Variants in GFM1 observed in about 807,000 individuals in gnomAD.
GFM1 encodes G elongation factor mitochondrial 1, also known as elongation factor G, mitochondrial.
A neutral mutation model predicts 96.2 loss-of-function variants in GFM1; 62 were observed. The observed-to-expected ratio is 0.64, with a 90% CI of 0.53 to 0.80. The LOEUF (loss-of-function observed/expected upper bound fraction) is 0.80, where lower values mean the gene tolerates loss of function less well. Ranked by LOEUF, GFM1 falls within the 30% of genes least tolerant of loss-of-function variation. The pLI is 0.00. For synonymous variants in GFM1, 282 were observed against 312.9 expected (o/e 0.90, Z 1.04); for missense variants, 852 against 916.6 (o/e 0.93, Z 0.91).
chr3:158,670,990 G>A, intron 13 of GFM1: 1 of 1,538,784 alleles, frequency 6.5e-7, no homozygotes, highest in East Asian at 2.4e-5. Flanking sequence ...CAAATTTAAG[G>A]TGATACTTAT....
chr3:158,670,166 G>A (rs1227930398), intron 13 of GFM1, among the ~76,000 whole-genome samples: 1 of 152,128 alleles, frequency 6.6e-6, no homozygotes, highest in African/African-American at 2.4e-5. Flanking sequence ...TTTCAAGATG[G>A]CTGTGGTACA....
At chr3:158,652,694 C>G (rs1222164870) in intron 6 of GFM1, among the ~76,000 whole-genome samples, 1 of 152,126 alleles carries the variant, frequency 6.6e-6, no homozygotes, top group Non-Finnish European at 1.5e-5. Flanking sequence ...CTGTCATGAC[C>G]TGTAATTTAT....
In GFM1 at chr3:158,690,331, G is replaced by T; in HGVS notation, c.2070+8G>T. ...TTTACACTGTATGCAGATGTAAGTA[G>T]TCTTGGTCATTGGCAGTCCTGCTTT... On this transcript the variant is annotated splice_region_variant and intron_variant, in intron 16 of 17. Coordinates refer to ENST00000486715, the MANE Select transcript of GFM1 (RefSeq NM_024996.7). 1 of 1,613,028 alleles carries T rather than the reference G, an allele frequency of 6.2e-7. No homozygotes were observed. The highest frequency in any genetic ancestry group is 1.3e-5 in the African/African-American group (1 of 75,028).
At chr3:158,651,603 ATAAT>A (rs1560129634) in intron 5 of GFM1, among the ~76,000 whole-genome samples, 1 of 152,256 alleles carries the variant, frequency 6.6e-6, no homozygotes, top group Non-Finnish European at 1.5e-5. Flanking sequence ...CAGTTTTAAA[ATAAT>A]TAGAGTACAG....
At chr3:158,672,370 C>T in intron 13 of GFM1, 1 of 1,613,964 alleles carries the variant, frequency 6.2e-7, no homozygotes, top group Non-Finnish European at 8.5e-7. Flanking sequence ...GCTTGTTTGA[C>T]CTTCTGCACC....
chr3:158,656,655 A>G (rs868334201), intron 8 of GFM1: 5 of 152,234 alleles, frequency 3.3e-5, no homozygotes, highest in African/African-American at 1.2e-4. Flanking sequence ...TACATAAGTT[A>G]TTTGGAATTC....
At chr3:158,654,248 T>G (rs1722555588) in intron 7 of GFM1, among the ~76,000 whole-genome samples, 1 of 133,728 alleles carries the variant, frequency 7.5e-6, no homozygotes, top group Non-Finnish European at 1.6e-5. Flanking sequence ...AAAGTCTTGC[T>G]CGGTTTCTAG....
chr3:158,659,902 T>A (rs1390586453), intron 9 of GFM1, among the ~76,000 whole-genome samples: 1 of 152,216 alleles, frequency 6.6e-6, no homozygotes, highest in Non-Finnish European at 1.5e-5. Flanking sequence ...TTGTCATAGC[T>A]GTTTCATGGA....
chr3:158,689,051 T>G (rs1726094709), intron 15 of GFM1, among the ~76,000 whole-genome samples: 1 of 152,226 alleles, frequency 6.6e-6, no homozygotes, highest in Non-Finnish European at 1.5e-5. Context: ...TGTGTTTTGC[T>G]GAAAGCCTTT....
intron 4 of GFM1, among the ~76,000 whole-genome samples, chr3:158,648,578 TGAG>T (rs1216008745): frequency 1.3e-5 from 2 of 149,748 alleles, no homozygotes; most frequent in African/African-American, 4.9e-5. Flanking sequence ...CTCGGGAGGC[TGAG>T]GCAGGAGAAT....
At chr3:158,661,294 A>C (rs1044112237) in intron 10 of GFM1, among the ~76,000 whole-genome samples, 7 of 152,196 alleles carry the variant, frequency 4.6e-5, no homozygotes, top group Admixed American at 4.6e-4. Flanking sequence ...CTCCACCCTG[A>C]GACCTGCTTC....
At chr3:158,669,003 T>A (rs1723996095) in intron 13 of GFM1, 1 of 1,610,848 alleles carries the variant, frequency 6.2e-7, no homozygotes, top group African/African-American at 1.3e-5. Flanking sequence ...TACCACTTGC[T>A]TGACAGTTTG....
intron 6 of GFM1, among the ~76,000 whole-genome samples, chr3:158,653,098 T>A (rs959477974): frequency 2.0e-5 from 3 of 152,190 alleles, no homozygotes; most frequent in Admixed American, 1.3e-4. Context: ...AAAGCAGTTG[T>A]ATAGTAAATC....
Position 158,691,394 on chromosome 3 carries a change from A to G in GFM1, c.2183A>G (p.Gln728Arg). 6.2e-7 allele frequency: 1 copy of G among 1,613,898 alleles called. No individual in the cohort carries two copies. Among genetic ancestry groups the G allele is most frequent in the Non-Finnish European group, 8.5e-7 (1 of 1,179,848 alleles). Residue 728 changes from glutamine to arginine, a missense_variant, in exon 18 of 18, where the codon CAA (glutamine) becomes CGA (arginine). Transcript: ENST00000486715. ...TATCAGCCATGTTTACCATCCACAC[A>G]AGAAGACGTCATTAATAAGTATTTG... is the stretch of plus-strand genomic sequence containing the variant. ...SRYQPCLPST[Q>R]EDVINKYLEA...
Position 158,691,628 on chromosome 3 carries a change from G to A in GFM1, c.*161G>A, listed in dbSNP as rs945973013. On this transcript the variant is annotated 3_prime_UTR_variant, in exon 18 of 18. Coordinates refer to ENST00000486715, the MANE Select transcript of GFM1 (RefSeq NM_024996.7). ...AGAAGCCCTTCTTGTTCATATTCAG[G>A]AGCTTCTGTTATATTCAAAGGTAAT... 4 of 678,874 alleles carry A rather than the reference G, an allele frequency of 5.9e-6. No homozygotes were observed. Among genetic ancestry groups the A allele is most frequent in the African/African-American group, 5.5e-5 (3 of 54,776 alleles). 42.1% of individuals were successfully genotyped at this position (678,874 alleles called of 1,614,324 possible).
intron 3 of GFM1, 92 bp from the exon 4 acceptor site, chr3:158,646,651 T>C (rs1454182459): frequency 8.5e-6 from 9 of 1,053,648 alleles, no homozygotes; most frequent in South Asian, 5.4e-5. Flanking sequence ...AGAAGACTTA[T>C]GTGATGAGCA....
rs11405116 is a variant in GFM1, at chr3:158,644,980, GTTTT to G, written c.81+280_81+283del. Reference sequence around the variant, plus strand: ...TGATATTTTATCCACCTTTTCTAAGGTTTTTTTTTTTTTTTTTTGCCTCTCTTTT... The same window carrying G: ...TGATATTTTATCCACCTTTTCTAAGGTTTTTTTTTTTTTTGCCTCTCTTTT... On this transcript the variant is annotated intron_variant, in intron 1 of 17. Coordinates refer to ENST00000486715, the MANE Select transcript of GFM1 (RefSeq NM_024996.7). 6.4e-3 allele frequency: 1,378 copies of G among 213,972 alleles called. 1 individual carries two copies. Among genetic ancestry groups the G allele is most frequent in the Middle Eastern group, 0.012 (7 of 572 alleles). The allele number at this position is 213,972 out of a possible 1,614,324, so 13.3% of individuals were successfully genotyped here.
chr3:158,677,025 T>TTAGAATATA (rs1724960890), intron 13 of GFM1, among the ~76,000 whole-genome samples: 1 of 152,188 alleles, frequency 6.6e-6, no homozygotes, highest in Non-Finnish European at 1.5e-5. Flanking sequence ...TAATAGCATA[T>TTAGAATATA]TCTAACTTCA....
intron 10 of GFM1, among the ~76,000 whole-genome samples, 158 bp downstream of exon 10, chr3:158,661,133 C>A (rs765003633): frequency 6.6e-6 from 1 of 152,142 alleles, no homozygotes; most frequent in African/African-American, 2.4e-5. Flanking sequence ...GGTTATAGCT[C>A]TTTGAATGTC....
Sources: allele counts gnomAD v4.1 joint callset (sites outside exome capture counted in the v4.1 genomes callset), GRCh38; gene constraint gnomAD v4.1.1; transcripts MANE v1.5; gene names NCBI Gene and HGNC (gene_info 2026-07-23, HGNC 2026-07-21).